The following TNKS2 variants were observed in gnomAD, a reference collection of about 807,000 sequenced individuals.
The protein encoded by TNKS2 is poly [ADP-ribose] polymerase tankyrase-2.
A neutral mutation model predicts 137.6 loss-of-function variants in TNKS2; 72 were observed. The observed-to-expected ratio is 0.52, with a 90% CI of 0.43 to 0.64. The LOEUF (loss-of-function observed/expected upper bound fraction) is 0.64. TNKS2 is among the 30% of genes least tolerant of loss of function. The probability of loss-of-function intolerance (pLI) is 0.00; values close to 1 mark genes in which losing one functional copy is unlikely to be tolerated. For missense variants in TNKS2, 1,049 were observed against 1,410.2 expected, an observed-to-expected ratio of 0.74 and a Z score of 4.10; for synonymous variants, 516 against 512.1, an observed-to-expected ratio of 1.01 and a Z score of -0.10.
rs185634485 is a variant in TNKS2 at position 91,825,147 on chromosome 10, G to A, written c.796-1870G>A. Among the ~76,000 whole-genome samples, 165 of 152,192 alleles carry A rather than the reference G, an allele frequency of 1.1e-3. 1 individual carries two copies. Among genetic ancestry groups the A allele is most frequent in the African/African-American group, 3.7e-3 (155 of 41,528 alleles). ...GAGAGGGTCTCACTCTGCCACCCAG[G>A]TTGGAGTGCAGTGGCACAATCATGG... On this transcript the variant is annotated intron_variant, in intron 7 of 26. Coordinates refer to ENST00000371627, the MANE Select transcript of TNKS2 (RefSeq NM_025235.4).
Position 91,798,710 on chromosome 10 carries a change from C to A in TNKS2, c.20C>A (p.Ala7Asp). 8.1e-7 allele frequency: 1 copy of A among 1,235,316 alleles called. No homozygotes were observed. Among genetic ancestry groups the A allele is most frequent in the South Asian group, 3.9e-5 (1 of 25,390 alleles). The allele number at this position is 1,235,316 out of a possible 1,614,324, so 76.5% of individuals were successfully genotyped here. Residue 7 changes from alanine (A) to aspartate (D), a missense_variant, in exon 1 of 27, where the codon GCC (alanine) becomes GAC (aspartate). Transcript: ENST00000371627. ...AGGATCATGTCGGGTCGCCGCTGCG[C>A]CGGCGGGGGAGCGGCCTGCGCGAGC... MSGRRCAGGGAACASAA... is the reference protein window; with the variant it reads MSGRRCDGGGAACASAA...
In TNKS2 at chr10:91,862,094, C is replaced by T. The variant is rs1842867920; in HGVS notation, c.3377C>T (p.Thr1126Ile). 4 of 1,613,082 alleles carry T rather than the reference C, an allele frequency of 2.5e-6. No homozygotes were observed. The highest frequency in any genetic ancestry group is 3.4e-6 in the Non-Finnish European group (4 of 1,179,446). The change falls in exon 26 of 27, where the codon ACT becomes ATT. Residue 1126 changes from threonine to isoleucine, a missense_variant. Thr to Ile is a moderately conservative substitution (Grantham distance 89). Coordinates refer to ENST00000371627, the MANE Select transcript of TNKS2 (RefSeq NM_025235.4). ...TCTCCTCCAGGTCATCACTCAGTCACTGGTAGGCCCAGTGTAAATGGCCTA... is the reference window on the plus strand; with the variant it reads ...TCTCCTCCAGGTCATCACTCAGTCATTGGTAGGCCCAGTGTAAATGGCCTA... ...AHSPPGHHSVTGRPSVNGLAL... is the reference protein window; with the variant it reads ...AHSPPGHHSVIGRPSVNGLAL...
intron 1 of TNKS2, among the ~76,000 whole-genome samples, chr10:91,808,894 C>T (rs1844410720): frequency 6.6e-6 from 1 of 152,130 alleles, no homozygotes; most frequent in Non-Finnish European, 1.5e-5. Flanking sequence ...AACTTGGACT[C>T]TTCATCTTCT....
rs1227930172 is a variant in TNKS2, at chr10:91,810,368, ACT to A, written c.200-2612_200-2611del. Reference sequence around the variant, plus strand: ...ACTCCAGCCTGGGTGACAGAGTGAGACTCTGTCTCAAAAAACAAAACAACAAC... The same window carrying A: ...ACTCCAGCCTGGGTGACAGAGTGAGACTGTCTCAAAAAACAAAACAACAAC... On this transcript the variant is annotated intron_variant, in intron 1 of 26. Transcript: ENST00000371627. Among the ~76,000 whole-genome samples the A allele has an allele frequency of 2.7e-5, 4 of 147,706 alleles. No individual in the cohort carries two copies. The Admixed American group carries it at 2.7e-4, about 10-fold the overall frequency.
chr10:91,807,921 G>C (rs544905978), intron 1 of TNKS2, among the ~76,000 whole-genome samples: 2 of 151,390 alleles, frequency 1.3e-5, no homozygotes, highest in South Asian at 4.2e-4. Context: ...GCATGAACCC[G>C]GGAGGCAGAG....
At chr10:91,813,397 G>GAAT (rs1276347791) in intron 2 of TNKS2, among the ~76,000 whole-genome samples, 190 bp downstream of exon 2, 1 of 152,180 alleles carries the variant, frequency 6.6e-6, no homozygotes, top group Non-Finnish European at 1.5e-5. Flanking sequence ...TTTCTTTGGA[G>GAAT]AATGGACTAC....
intron 15 of TNKS2, 67 bp from the exon 16 acceptor site, chr10:91,842,105 A>G (rs1842224212): frequency 5.4e-6 from 6 of 1,117,744 alleles, no homozygotes; most frequent in African/African-American, 1.6e-5. Context: ...AACACTGACT[A>G]TTTTCTCATT....
At position 91,840,275 on chromosome 10, in the gene TNKS2, G is replaced by A. The variant is rs372944900; in HGVS notation, c.1528-286G>A. ...GAATTGCTTGAACCCAGGAAACAGAGGTTGCAGTGAACTGAGATTGCGCCA... is the reference window on the plus strand; with the variant it reads ...GAATTGCTTGAACCCAGGAAACAGAAGTTGCAGTGAACTGAGATTGCGCCA... On this transcript the variant is annotated intron_variant, in intron 13 of 26. Coordinates refer to ENST00000371627, the MANE Select transcript of TNKS2 (RefSeq NM_025235.4). Among the ~76,000 whole-genome samples the A allele has an allele frequency of 3.7e-4, 56 of 152,256 alleles. No individual in the cohort carries two copies. In the East Asian group the frequency reaches 8.5e-3, roughly 23 times the overall value.
intron 7 of TNKS2, 151 bp downstream of exon 7, chr10:91,822,513 G>A (rs1844923054): frequency 3.3e-6 from 2 of 601,004 alleles, no homozygotes; most frequent in Non-Finnish European, 2.9e-6. Context: ...ATAGGTGACT[G>A]ATAGCTCAGC....
chr10:91,830,135 A>C (rs918450853), intron 9 of TNKS2, among the ~76,000 whole-genome samples: 3 of 152,200 alleles, frequency 2.0e-5, no homozygotes, highest in Non-Finnish European at 4.4e-5. Context: ...ACTAGTTGAG[A>C]GAGATATAAA....
chr10:91,857,387 T>C, intron 23 of TNKS2, 38 bp from the exon 24 acceptor site: 1 of 1,473,884 alleles, frequency 6.8e-7, no homozygotes, highest in South Asian at 1.2e-5. Flanking sequence ...CAGTAAGTAA[T>C]TCCTAAAGAT....
chr10:91,816,480 C>T (rs1215222750), intron 2 of TNKS2, among the ~76,000 whole-genome samples: 1 of 152,136 alleles, frequency 6.6e-6, no homozygotes, highest in Non-Finnish European at 1.5e-5. Flanking sequence ...ACCTACTCCA[C>T]TCCTTAGACT....
At position 91,863,028 on chromosome 10, in the gene TNKS2, G is replaced by T; in HGVS notation, c.*29G>T. On this transcript the variant is annotated 3_prime_UTR_variant, in exon 27 of 27. Coordinates refer to ENST00000371627, the MANE Select transcript of TNKS2 (RefSeq NM_025235.4). Reference sequence around the variant, plus strand: ...GTTATTTTAAGAAACTAATTCCACTGAACCTAAAATCATCAAAGCAGCAGT... The same window carrying T: ...GTTATTTTAAGAAACTAATTCCACTTAACCTAAAATCATCAAAGCAGCAGT... 6.5e-7 allele frequency: 1 copy of T among 1,544,664 alleles called. No individual in the cohort carries two copies. The highest frequency in any genetic ancestry group is 1.1e-5 in the South Asian group (1 of 87,946).
chr10:91,798,772 C>T lies in TNKS2; in HGVS notation c.82C>T (p.Leu28=), dbSNP rs371748408. Residue 28 remains leucine (L), a synonymous_variant, in exon 1 of 27, where the codon CTG becomes TTG. Coordinates refer to ENST00000371627, the MANE Select transcript of TNKS2 (RefSeq NM_025235.4). ...AEAVEPAARE[L]FEACRNGDVE... ...GGCCGTGGAGCCGGCCGCCCGAGAGCTGTTCGAGGCGTGCCGCAACGGGGA... is the reference window on the plus strand; with the variant it reads ...GGCCGTGGAGCCGGCCGCCCGAGAGTTGTTCGAGGCGTGCCGCAACGGGGA... The T allele has an allele frequency of 4.7e-6, 6 of 1,271,114 alleles. No individual in the cohort carries two copies. The highest frequency in any genetic ancestry group is 6.2e-5 in the South Asian group (2 of 32,030). The allele number at this position is 1,271,114 out of a possible 1,614,324, so 78.7% of individuals were successfully genotyped here. A position where few individuals can be genotyped will look rare whatever the true frequency, so the allele number is the denominator to read the frequency against.
At chr10:91,808,008 AAAAAG>A (rs1844384923) in intron 1 of TNKS2, among the ~76,000 whole-genome samples, 1 of 124,458 alleles carries the variant, frequency 8.0e-6, no homozygotes, top group Admixed American at 8.3e-5. Context: ...AAAAAAAAAA[AAAAAG>A]AGTCTAGAAA....
At chr10:91,838,865 TTTTG>T (rs371323141) in intron 13 of TNKS2, among the ~76,000 whole-genome samples, 89 of 152,252 alleles carry the variant, frequency 5.8e-4, no homozygotes, top group Admixed American at 1.1e-3. Context: ...GATATATTCT[TTTTG>T]TTTGTTTGTT....
In TNKS2 at chr10:91,840,169, G is replaced by A. The variant is rs186571187; in HGVS notation, c.1528-392G>A. 7.7e-4 allele frequency among the ~76,000 whole-genome samples: 117 copies of A among 152,066 alleles called. 4 individuals carry two copies. The East Asian group carries it at 0.018, about 23-fold the overall frequency. The stretch of plus-strand genomic sequence containing the variant: ...ATCCTGGCCAACATGGTGAAACCCC[G>A]CCTCTACTAAAAATATAAAAATTAG... On this transcript the variant is annotated intron_variant, in intron 13 of 26. Transcript: ENST00000371627.
chr10:91,833,102 T>C (rs1175158331), intron 11 of TNKS2, among the ~76,000 whole-genome samples: 1 of 152,214 alleles, frequency 6.6e-6, no homozygotes, highest in Non-Finnish European at 1.5e-5. Context: ...AATGGATATT[T>C]GCTGAATTTT....
chr10:91,813,389 T>G (rs969478010), intron 2 of TNKS2, among the ~76,000 whole-genome samples, 182 bp downstream of exon 2: 1 of 152,226 alleles, frequency 6.6e-6, no homozygotes, highest in African/African-American at 2.4e-5. Context: ...AGCCTAAATT[T>G]CTTTGGAGAA....
Sources: gnomAD v4.1 joint callset for allele counts (sites outside exome capture counted in the v4.1 genomes callset) on GRCh38, gnomAD v4.1.1 for gene constraint, MANE v1.5 for transcripts, NCBI Gene and HGNC (gene_info 2026-07-23, HGNC 2026-07-21) for gene names.